The following CCDC30 variants were observed in gnomAD, a reference collection of about 807,000 sequenced individuals.
The protein encoded by CCDC30 is coiled-coil domain containing 30.
CCDC30 carries 70 observed loss-of-function variants against 100.2 expected under a neutral mutation model. The observed-to-expected ratio is 0.70, with a 90% CI of 0.58 to 0.85. The LOEUF (loss-of-function observed/expected upper bound fraction) is 0.85. Among genes scored for constraint, CCDC30 ranks in the 40% least tolerant of loss-of-function variants. The probability of loss-of-function intolerance (pLI) is 0.00; values close to 1 mark genes in which losing one functional copy is unlikely to be tolerated. For synonymous variants in CCDC30, 233 were observed against 269.5 expected (o/e 0.86, Z 1.33); for missense variants, 652 against 771.2 (o/e 0.85, Z 1.83).
intron 13 of CCDC30, 82 bp downstream of exon 17, chr1:42,642,691 T>A: frequency 1.6e-6 from 2 of 1,288,998 alleles, no homozygotes; most frequent in Non-Finnish European, 2.0e-6. Context: ...CTAGAGACTG[T>A]CCTTTGAGTT....
chr1:42,511,641 C>T (rs959456129), intron 6 of CCDC30, among the ~76,000 whole-genome samples: 12 of 152,100 alleles, frequency 7.9e-5, no homozygotes, highest in African/African-American at 2.9e-4. Flanking sequence ...TTGTCAAAAG[C>T]AGAGTTTTCC....
At chr1:42,621,218 A>T (rs1165546308) in intron 11 of CCDC30, among the ~76,000 whole-genome samples, 1 of 152,248 alleles carries the variant, frequency 6.6e-6, no homozygotes, top group Admixed American at 6.5e-5. Context: ...TGATACAGGC[A>T]TGCAATGAGT....
Position 42,587,235 on chromosome 1 carries a change from G to A in CCDC30, c.1002-2086G>A, listed in dbSNP as rs1418157650. On this transcript the variant is annotated intron_variant, in intron 9 of 16. Transcript: ENST00000668663. ...TGCTCCTGAACTTTTGGGCTCAAGC[G>A]ATCCTCCTACCTTGGCCTCCCAAAG... Among the ~76,000 whole-genome samples, 3 of 152,112 alleles carry A rather than the reference G, an allele frequency of 2.0e-5. No homozygotes were observed. In the South Asian group the frequency reaches 6.2e-4, roughly 32 times the overall value.
At chr1:42,489,103 T>G (rs1385416503) in intron 3 of CCDC30, among the ~76,000 whole-genome samples, 2 of 152,242 alleles carry the variant, frequency 1.3e-5, no homozygotes, top group Non-Finnish European at 2.9e-5. Context: ...CTTTCTCTCC[T>G]TCTTCCATAG....
chr1:42,509,726 C>T (rs938955551), intron 6 of CCDC30, among the ~76,000 whole-genome samples: 1 of 152,154 alleles, frequency 6.6e-6, no homozygotes, highest in Non-Finnish European at 1.5e-5. Context: ...CAGAAAGACA[C>T]ACAATGCACA....
chr1:42,609,342 G>T (rs886817747), intron 10 of CCDC30, among the ~76,000 whole-genome samples: 1 of 152,128 alleles, frequency 6.6e-6, no homozygotes, highest in African/African-American at 2.4e-5. Flanking sequence ...TACAATACAT[G>T]ATACACATAC....
At chr1:42,615,747 T>TATTATA (rs1340511756) in intron 11 of CCDC30, among the ~76,000 whole-genome samples, 6 of 152,212 alleles carry the variant, frequency 3.9e-5, no homozygotes, top group Non-Finnish European at 8.8e-5. Flanking sequence ...ATTAATGCTT[T>TATTATA]ATTATAATTA....
chr1:42,655,867 C>CTTTTTT (rs766715541), downstream of CCDC30, among the ~76,000 whole-genome samples: 12 of 87,292 alleles, frequency 1.4e-4, no homozygotes, highest in African/African-American at 2.2e-4. Flanking sequence ...GCTGTTTTTA[C>CTTTTTT]TTTTTTTTTT....
intron 6 of CCDC30, among the ~76,000 whole-genome samples, chr1:42,560,883 A>G (rs1396455545): frequency 6.6e-6 from 1 of 152,218 alleles, no homozygotes; most frequent in Non-Finnish European, 1.5e-5. Context: ...CTGGTTGCAT[A>G]CACCCTACCA....
At chr1:42,603,452 CGTAA>C (rs772218238) in intron 10 of CCDC30, among the ~76,000 whole-genome samples, 6 of 152,092 alleles carry the variant, frequency 3.9e-5, no homozygotes, top group Non-Finnish European at 5.9e-5. Flanking sequence ...ATGGCAAATG[CGTAA>C]AAAGGATTTG....
intron 6 of CCDC30, among the ~76,000 whole-genome samples, chr1:42,548,656 G>T (rs544634476): frequency 6.6e-6 from 1 of 152,218 alleles, no homozygotes; most frequent in South Asian, 2.1e-4. Flanking sequence ...TCATGACATG[G>T]TCATGCAATT....
intron 5 of CCDC30, 65 bp downstream of exon 5, chr1:42,497,278 C>T: frequency 1.1e-6 from 1 of 938,808 alleles, no homozygotes; most frequent in Non-Finnish European, 1.4e-6. Context: ...ACAGCATAAG[C>T]AACACAGGTA....
intron 1 of CCDC30, among the ~76,000 whole-genome samples, chr1:42,472,171 T>G (rs113261346): frequency 0.14 from 21,033 of 152,064 alleles, 1,591 homozygotes; most frequent in East Asian, 0.19. Context: ...GGAGAATCAC[T>G]TGAACCCAGG....
chr1:42,531,855 T>G (rs1013769401), intron 6 of CCDC30, among the ~76,000 whole-genome samples: 1 of 152,202 alleles, frequency 6.6e-6, no homozygotes, highest in Non-Finnish European at 1.5e-5. Flanking sequence ...TTGTAATGAC[T>G]CTCCTGGGGG....
chr1:42,457,948 TC>T, the CCDC30 span, among the ~76,000 whole-genome samples: 24 of 126,854 alleles, frequency 1.9e-4, no homozygotes, highest in African/African-American at 6.5e-4. Context: ...AGAGCGATAC[TC>T]CGTCGCAAAA....
chr1:42,496,341 A>G (rs1176201377), intron 4 of CCDC30, among the ~76,000 whole-genome samples: 2 of 152,282 alleles, frequency 1.3e-5, no homozygotes, highest in East Asian at 1.9e-4. Flanking sequence ...AAGAGATAAT[A>G]TTTAGCACAG....
At chr1:42,456,981 C>G in the CCDC30 span, 1 of 1,602,828 alleles carries the variant, frequency 6.2e-7, no homozygotes, top group Non-Finnish European at 8.5e-7. Flanking sequence ...CAGGAGGCTG[C>G]GGCTGCAGGC....
At chr1:42,599,233 G>A (rs1646353722) in intron 10 of CCDC30, among the ~76,000 whole-genome samples, 1 of 152,122 alleles carries the variant, frequency 6.6e-6, no homozygotes, top group Admixed American at 6.5e-5. Flanking sequence ...ATGCTTATGT[G>A]TAAGTGAAAT....
intron 7 of CCDC30, chr1:42,570,988 C>G (rs576128044): frequency 6.6e-6 from 1 of 152,546 alleles, no homozygotes; most frequent in Admixed American, 6.5e-5. Context: ...AGATCCTCTT[C>G]TTGGTGCTCG....
Sources: allele counts gnomAD v4.1 joint callset (sites outside exome capture counted in the v4.1 genomes callset), GRCh38; gene constraint gnomAD v4.1.1; transcripts MANE v1.5; gene names NCBI Gene and HGNC (gene_info 2026-07-23, HGNC 2026-07-21).